Variants in MAP3K21 observed in about 807,000 individuals in gnomAD.
MAP3K21 encodes the protein mitogen-activated protein kinase kinase kinase MLK4.
A neutral mutation model predicts 86.1 loss-of-function variants in MAP3K21; 63 were observed. The observed-to-expected ratio is 0.73, with a 90% CI of 0.60 to 0.90. The LOEUF (loss-of-function observed/expected upper bound fraction) is 0.90. Among genes scored for constraint, MAP3K21 ranks in the 40% least tolerant of loss-of-function variants. The pLI is 0.00. For synonymous variants in MAP3K21, 558 were observed against 564.8 expected, an observed-to-expected ratio of 0.99 and a Z score of 0.17; for missense variants, 1,220 against 1,367.7, an observed-to-expected ratio of 0.89 and a Z score of 1.70.
chr1:233,329,526 C>A (rs1170394974), intron 1 of MAP3K21, among the ~76,000 whole-genome samples: 1 of 151,786 alleles, frequency 6.6e-6, no homozygotes, highest in Non-Finnish European at 1.5e-5. Flanking sequence ...TAGTGGCAGG[C>A]GCCTGTAATC....
intron 4 of MAP3K21, among the ~76,000 whole-genome samples, chr1:233,359,004 G>A (rs1377287491): frequency 6.6e-6 from 1 of 151,884 alleles, no homozygotes; most frequent in African/African-American, 2.4e-5. Context: ...GTAGAGACGG[G>A]GTTTCACCAT....
intron 9 of MAP3K21, among the ~76,000 whole-genome samples, chr1:233,381,056 T>C (rs939557899): frequency 6.6e-6 from 1 of 152,210 alleles, no homozygotes; most frequent in Non-Finnish European, 1.5e-5. Context: ...TTTTGAGTCA[T>C]AGAACAAAGG....
intron 4 of MAP3K21, among the ~76,000 whole-genome samples, chr1:233,358,469 A>AT (rs1457336705): frequency 3.6e-4 from 25 of 68,786 alleles, no homozygotes; most frequent in African/African-American, 1.2e-3. Context: ...AAAGACTCTA[A>AT]TTTGTTTTTT....
At chr1:233,357,661 A>C (rs770666629) in intron 4 of MAP3K21, among the ~76,000 whole-genome samples, 19 of 152,208 alleles carry the variant, frequency 1.2e-4, no homozygotes, top group Non-Finnish European at 2.2e-4. Flanking sequence ...GCCTCCTGGC[A>C]TGCATGGGAG....
At chr1:233,375,152 C>T (rs1464710659) in intron 6 of MAP3K21, among the ~76,000 whole-genome samples, 1 of 152,024 alleles carries the variant, frequency 6.6e-6, no homozygotes, top group African/African-American at 2.4e-5. Context: ...CCATGTTGGC[C>T]AGGCTGGTCT....
intron 4 of MAP3K21, among the ~76,000 whole-genome samples, chr1:233,360,245 A>G (rs537208237): frequency 1.6e-4 from 24 of 152,358 alleles, no homozygotes; most frequent in African/African-American, 5.0e-4. Context: ...AAAATGTCCA[A>G]TTTGGACAAA....
intron 5 of MAP3K21, 92 bp from the exon 6 acceptor site, chr1:233,371,946 C>G: frequency 7.7e-7 from 1 of 1,306,636 alleles, no homozygotes; most frequent in Non-Finnish European, 1.0e-6. Flanking sequence ...AGGGTCTGAC[C>G]ATTTTTGTTT....
Position 233,379,255 on chromosome 1 carries a change from A to T in MAP3K21, c.2249A>T (p.Glu750Val). 6.2e-7 allele frequency: 1 copy of T among 1,614,232 alleles called. No homozygotes were observed. Among genetic ancestry groups the T allele is most frequent in the Non-Finnish European group, 8.5e-7 (1 of 1,180,046 alleles). The change falls in exon 9 of 10, where the codon GAA (glutamate) becomes GTA (valine). Residue 750 changes from glutamate (E) to valine (V), a missense_variant. Coordinates refer to ENST00000366624, the MANE Select transcript of MAP3K21 (RefSeq NM_032435.3). ...RELHKAQAAE[E>V]PLPKEEKKKR... ...CTTCATAAAGCACAGGCTGCTGAAG[A>T]ACCGTTGCCCAAGGAAGAGAAGAAG...
intron 3 of MAP3K21, among the ~76,000 whole-genome samples, chr1:233,354,333 G>T (rs1663305987): frequency 6.6e-6 from 1 of 152,140 alleles, no homozygotes; most frequent in Non-Finnish European, 1.5e-5. Context: ...GATTTTGCCA[G>T]GATCATGTCT....
intron 6 of MAP3K21, among the ~76,000 whole-genome samples, chr1:233,375,036 G>T (rs1286250763): frequency 6.6e-6 from 1 of 151,634 alleles, no homozygotes; most frequent in Non-Finnish European, 1.5e-5. Flanking sequence ...CTGCCACCTG[G>T]GTTCAAGCAA....
At chr1:233,357,049 T>A (rs1297481798) in intron 4 of MAP3K21, among the ~76,000 whole-genome samples, 1 of 152,182 alleles carries the variant, frequency 6.6e-6, no homozygotes, top group Non-Finnish European at 1.5e-5. Context: ...GGCAGGTGGA[T>A]CACCTGAGGT....
At position 233,339,292 on chromosome 1, in the gene MAP3K21, C is replaced by CTCTTCTTCTTCCTCTTCTTCTTCT. The variant is rs1662981627; in HGVS notation, c.806-7127_806-7126insTTCTTCTTCTTCCTCTTCTTCTTC. Reference sequence around the variant, plus strand: ...CCTCTTCTTCTTCTTCTTCTTCTTCCTCTTCTTCTTCCTCTTCTTCTTCCT... The same window carrying CTCTTCTTCTTCCTCTTCTTCTTCT: ...CCTCTTCTTCTTCTTCTTCTTCTTCCTCTTCTTCTTCCTCTTCTTCTTCTTCTTCTTCTTCCTCTTCTTCTTCCT... On this transcript the variant is annotated intron_variant, in intron 1 of 9. Transcript: ENST00000366624. Among the ~76,000 whole-genome samples the CTCTTCTTCTTCCTCTTCTTCTTCT allele has an allele frequency of 8.4e-5, 3 of 35,660 alleles. 1 individual carries two copies. Among genetic ancestry groups the CTCTTCTTCTTCCTCTTCTTCTTCT allele is most frequent in the Non-Finnish European group, 1.7e-4 (3 of 17,412 alleles). The allele number at this position is 35,660 out of a possible 152,430, so 23.4% of individuals were successfully genotyped here.
At chr1:233,381,451 T>C (rs1663914287) in intron 9 of MAP3K21, among the ~76,000 whole-genome samples, 1 of 152,236 alleles carries the variant, frequency 6.6e-6, no homozygotes, top group Non-Finnish European at 1.5e-5. Flanking sequence ...TGAGGTAATA[T>C]ATACAAAAAA....
rs1367573036 is a variant in MAP3K21 at position 233,328,719 on chromosome 1, C to A, written c.691C>A (p.Arg231Ser). The change falls in exon 1 of 10, where the codon CGC (arginine) becomes AGC (serine). Residue 231 changes from arginine to serine, a missense_variant. By Grantham distance (110) the Arg-to-Ser change is moderately radical. Around this residue, in one of 5 missense-constraint regions of MAP3K21, gnomAD observed 369 missense variants for 385.3 expected, o/e 0.96. Transcript: ENST00000366624. The surrounding 1 kb of genome is among the most constrained non-coding windows in gnomAD (Gnocchi z 8.7). ...CGCGCCCGGCCCCCGCCGCGCGCGCCGCATCCCTCCGCACGTGCTGGTCAA... is the reference window on the plus strand; with the variant it reads ...CGCGCCCGGCCCCCGCCGCGCGCGCAGCATCCCTCCGCACGTGCTGGTCAA... ...PRAPGPRRAR[R>S]IPPHVLVNWA... The A allele has an allele frequency of 7.1e-7, 1 of 1,406,650 alleles. No homozygotes were observed. The highest frequency in any genetic ancestry group is 9.3e-7 in the Non-Finnish European group (1 of 1,072,486). 87.1% of individuals were successfully genotyped at this position (1,406,650 alleles called of 1,614,324 possible). A position where few individuals can be genotyped will look rare whatever the true frequency, so the allele number is the denominator to read the frequency against.
intron 6 of MAP3K21, 70 bp downstream of exon 6, chr1:233,372,230 T>C (rs1392436538): frequency 1.3e-6 from 2 of 1,584,610 alleles, no homozygotes; most frequent in Non-Finnish European, 1.7e-6. Flanking sequence ...TGGATTCAAA[T>C]TGAGCAGATG....
At chr1:233,358,380 T>C (rs994816930) in intron 4 of MAP3K21, among the ~76,000 whole-genome samples, 20 of 152,064 alleles carry the variant, frequency 1.3e-4, no homozygotes, top group Non-Finnish European at 1.5e-5. Flanking sequence ...TGCAGTTCTG[T>C]GAAGCATTAC....
chr1:233,355,112 G>C, intron 4 of MAP3K21, 101 bp downstream of exon 4: 1 of 840,218 alleles, frequency 1.2e-6, no homozygotes, highest in South Asian at 2.1e-5. Flanking sequence ...AATATCTTTA[G>C]ATATCAATAT....
chr1:233,360,230 A>G (rs946199213), intron 4 of MAP3K21, among the ~76,000 whole-genome samples: 1 of 152,230 alleles, frequency 6.6e-6, no homozygotes, highest in African/African-American at 2.4e-5. Context: ...CAAATACACT[A>G]TAGTAAAATG....
chr1:233,376,042 AAGAT>A lies in MAP3K21; in HGVS notation c.1806_1809del (p.Asp602GlufsTer8), dbSNP rs1263574497. On this transcript the variant is annotated frameshift_variant, in exon 7 of 10. Transcript: ENST00000366624. LOFTEE classifies it high-confidence loss of function. The stretch of plus-strand genomic sequence containing the variant: ...TGGGGACCAAATTCCATTCAAATGA[AAGAT>A]AGAACAGATTGCAAAGAAAGGTACG... 26 of 1,605,168 alleles carry A rather than the reference AAGAT, an allele frequency of 1.6e-5. No individual in the cohort carries two copies. The highest frequency in any genetic ancestry group is 2.0e-5 in the Non-Finnish European group (24 of 1,178,030).
Sources: gnomAD v4.1 joint callset for allele counts (sites outside exome capture counted in the v4.1 genomes callset) on GRCh38, gnomAD v4.1.1 for gene constraint, gnomAD v4.1.1 regional missense constraint, Gnocchi (gnomAD v3.1) non-coding constraint, MANE v1.5 for transcripts, NCBI Gene and HGNC (gene_info 2026-07-23, HGNC 2026-07-21) for gene names.